TMEM131L: variants seen among roughly 807,000 people sequenced by gnomAD.
TMEM131L encodes the protein transmembrane protein 131-like.
Under a neutral mutation model 192.2 loss-of-function variants are expected in TMEM131L, and 54 were observed. The observed-to-expected ratio is 0.28, with a 90% confidence interval of 0.23 to 0.35. The LOEUF (loss-of-function observed/expected upper bound fraction) is 0.35. Ranked by LOEUF, TMEM131L falls within the 10% of genes least tolerant of loss-of-function variation. The pLI is 1.00. For missense variants in TMEM131L, 1,888 were observed against 1,972.9 expected (o/e 0.96, Z 0.82); for synonymous variants, 701 against 704.9 (o/e 0.99, Z 0.09).
At chr4:153,592,638 G>C in intron 18 of TMEM131L, 54 bp downstream of exon 18, 1 of 1,167,442 alleles carries the variant, frequency 8.6e-7, no homozygotes. Flanking sequence ...GGAAGACTTA[G>C]AATTACTTAA....
chr4:153,520,883 A>G (rs757162191), intron 3 of TMEM131L, among the ~76,000 whole-genome samples: 1 of 152,204 alleles, frequency 6.6e-6, no homozygotes, highest in Non-Finnish European at 1.5e-5. Flanking sequence ...CCCAGGGGTA[A>G]TTGTAGCTTC....
chr4:153,480,742 CT>C (rs1383799955), intron 3 of TMEM131L, among the ~76,000 whole-genome samples: 1 of 152,090 alleles, frequency 6.6e-6, no homozygotes, highest in African/African-American at 2.4e-5. Flanking sequence ...GCTCTGTTGG[CT>C]TTTTATATAC....
intron 3 of TMEM131L, among the ~76,000 whole-genome samples, chr4:153,503,062 T>C (rs1246908314): frequency 6.6e-6 from 1 of 152,216 alleles, no homozygotes; most frequent in African/African-American, 2.4e-5. Context: ...AACTCAGAGA[T>C]GCCTAAAGGC....
At chr4:153,557,575 G>A (rs79834451) in intron 6 of TMEM131L, among the ~76,000 whole-genome samples, 101 of 152,244 alleles carry the variant, frequency 6.6e-4, no homozygotes, top group Non-Finnish European at 1.3e-3. Context: ...GAAGAATCTT[G>A]TTGCTATTCT....
chr4:153,575,727 C>A (rs1045196994), intron 7 of TMEM131L, among the ~76,000 whole-genome samples: 4 of 152,102 alleles, frequency 2.6e-5, no homozygotes, highest in African/African-American at 9.7e-5. Flanking sequence ...TATAAAATAT[C>A]TGATCTGATT....
Position 153,555,053 on chromosome 4 carries a change from G to T in TMEM131L, c.309-734G>T, listed in dbSNP as rs897966985. On this transcript the variant is annotated intron_variant, in intron 4 of 34. Transcript: ENST00000409959. The surrounding 1 kb of genome is among the most constrained non-coding windows in gnomAD (Gnocchi z 4.1). Reference sequence around the variant, plus strand: ...TTTGAAGCTGTGTATGAAACTTTTCGTAAGTGTATGTTTGTGGAGGGAAGA... The same window carrying T: ...TTTGAAGCTGTGTATGAAACTTTTCTTAAGTGTATGTTTGTGGAGGGAAGA... Among the ~76,000 whole-genome samples the T allele has an allele frequency of 1.3e-5, 2 of 152,326 alleles. No homozygotes were observed. The highest frequency in any genetic ancestry group is 3.4e-3 in the Middle Eastern group (1 of 294).
At chr4:153,598,514 G>C (rs13118949) in intron 20 of TMEM131L, 76 bp from the exon 21 acceptor site, 376,751 of 1,202,728 alleles carry the variant, frequency 0.31, 62,321 homozygotes, top group Non-Finnish European at 0.34. Flanking sequence ...TGATAACTGG[G>C]AATATTTAAA....
At chr4:153,504,266 CTTTTTTTTTT>C (rs531620464) in intron 3 of TMEM131L, among the ~76,000 whole-genome samples, 5 of 42,630 alleles carry the variant, frequency 1.2e-4, no homozygotes, top group Non-Finnish European at 2.3e-4. Flanking sequence ...CGCGGTCGGC[CTTTTTTTTTT>C]TTTTTTTTTT....
At chr4:153,600,507 C>T (rs1731765489) in intron 21 of TMEM131L, among the ~76,000 whole-genome samples, 1 of 152,068 alleles carries the variant, frequency 6.6e-6, no homozygotes, top group African/African-American at 2.4e-5. Flanking sequence ...TAACATGTTG[C>T]ACTGGAAAAT....
Position 153,555,838 on chromosome 4 carries a change from G to C in TMEM131L, c.360G>C (p.Arg120Ser). 1 of 1,551,496 alleles carries C rather than the reference G, an allele frequency of 6.4e-7. No homozygotes were observed. Among genetic ancestry groups the C allele is most frequent in the Non-Finnish European group, 8.7e-7 (1 of 1,146,814 alleles). Residue 120 changes from arginine (R) to serine (S), a missense_variant, in exon 5 of 35, where the codon AGG (arginine) becomes AGC (serine). Arg to Ser is a moderately radical substitution (Grantham distance 110, BLOSUM62 -1). Coordinates refer to ENST00000409959, the MANE Select transcript of TMEM131L (RefSeq NM_001131007.2). This position sits in a 1 kb window ranked among gnomAD's most constrained non-coding sequence, Gnocchi z 4.1. ...AKILHAYNPSRDSEVVVNSVF... is the reference protein window; with the variant it reads ...AKILHAYNPSSDSEVVVNSVF... ...TTCTCCATGCTTACAACCCTAGTAG[G>C]GACAGCGAGGTTGTGGTGAATTCAG...
chr4:153,609,250 A>G (rs1419021218), intron 25 of TMEM131L, among the ~76,000 whole-genome samples: 3 of 152,334 alleles, frequency 2.0e-5, no homozygotes, highest in Non-Finnish European at 1.5e-5. Flanking sequence ...GTAAAGGGGA[A>G]GCAAGCACGT....
chr4:153,511,320 T>C (rs964201884), intron 3 of TMEM131L, among the ~76,000 whole-genome samples: 1 of 152,218 alleles, frequency 6.6e-6, no homozygotes. Flanking sequence ...AATGAGATCA[T>C]GTCCTTTGCG....
intron 7 of TMEM131L, among the ~76,000 whole-genome samples, chr4:153,578,636 T>G (rs1046632443): frequency 4.0e-5 from 6 of 151,532 alleles, no homozygotes; most frequent in Non-Finnish European, 7.4e-5. Flanking sequence ...TTCTCCTGCC[T>G]CAGCCTCCCG....
chr4:153,586,520 G>A (rs150698754), intron 14 of TMEM131L, 141 bp downstream of exon 14: 174 of 515,586 alleles, frequency 3.4e-4, no homozygotes, highest in African/African-American at 3.2e-3. Context: ...TACCAGGCCA[G>A]TCTTGGATGA....
intron 7 of TMEM131L, among the ~76,000 whole-genome samples, chr4:153,570,800 C>A (rs1015315148): frequency 2.0e-5 from 3 of 152,100 alleles, no homozygotes; most frequent in Non-Finnish European, 2.9e-5. Flanking sequence ...AAGTTTGTTT[C>A]CTTTTTGTCC....
intron 22 of TMEM131L, 86 bp from the exon 23 acceptor site, chr4:153,602,456 A>G (rs1270841603): frequency 1.3e-6 from 2 of 1,520,798 alleles, no homozygotes; most frequent in African/African-American, 2.8e-5. Flanking sequence ...TTTCTTTTGT[A>G]GGAGTATGAT....
At chr4:153,484,464 T>A (rs1256725229) in intron 3 of TMEM131L, among the ~76,000 whole-genome samples, 1 of 151,628 alleles carries the variant, frequency 6.6e-6, no homozygotes, top group East Asian at 1.9e-4. Flanking sequence ...TTATTATTTT[T>A]ATTTTATTTT....
At chr4:153,490,568 G>A (rs898076692) in intron 3 of TMEM131L, among the ~76,000 whole-genome samples, 1 of 152,168 alleles carries the variant, frequency 6.6e-6, no homozygotes, top group Non-Finnish European at 1.5e-5. Flanking sequence ...GTTATTCCTA[G>A]TTGTTTATTT....
At chr4:153,558,576 T>G (rs6848629) in intron 7 of TMEM131L, 62,445 of 365,710 alleles carry the variant, frequency 0.17, 6,206 homozygotes, top group Non-Finnish European at 0.22. Flanking sequence ...AATCTTATTG[T>G]TGGTCTTTTG....
Sources: allele counts gnomAD v4.1 joint callset (sites outside exome capture counted in the v4.1 genomes callset), GRCh38; gene constraint gnomAD v4.1.1; non-coding constraint Gnocchi (gnomAD v3.1); transcripts MANE v1.5; gene names NCBI Gene and HGNC (gene_info 2026-07-23, HGNC 2026-07-21).